The following MIPOL1 variants were observed in gnomAD, a reference collection of about 807,000 sequenced individuals.
MIPOL1 encodes the protein mirror-image polydactyly 1.
MIPOL1 carries 57 observed loss-of-function variants against 60.9 expected under a neutral mutation model. The observed-to-expected ratio is 0.94, with a 90% CI of 0.76 to 1.17. The LOEUF (loss-of-function observed/expected upper bound fraction) is 1.17, where lower values mean the gene tolerates loss of function less well. Ranked by LOEUF, MIPOL1 falls within the 50% of genes most tolerant of loss-of-function variation. MIPOL1 has a pLI of 0.00. For missense variants in MIPOL1, 551 were observed against 511.6 expected (o/e 1.08, Z -0.74); for synonymous variants, 179 against 168.8 (o/e 1.06, Z -0.47).
intron 11 of MIPOL1, among the ~76,000 whole-genome samples, chr14:37,471,385 G>A (rs963988212): frequency 2.0e-5 from 3 of 152,104 alleles, no homozygotes; most frequent in African/African-American, 7.2e-5. Flanking sequence ...CCTGGACTTT[G>A]TTATATTTCC....
intron 11 of MIPOL1, among the ~76,000 whole-genome samples, chr14:37,461,562 C>A (rs1226008475): frequency 6.6e-6 from 1 of 152,136 alleles, no homozygotes; most frequent in Non-Finnish European, 1.5e-5. Flanking sequence ...CAAAACCAAT[C>A]ATGCCTTCAG....
At chr14:37,342,534 A>T (rs1271390047) in intron 9 of MIPOL1, among the ~76,000 whole-genome samples, 1 of 151,602 alleles carries the variant, frequency 6.6e-6, no homozygotes, top group African/African-American at 2.4e-5. Context: ...AGTAGCTGGG[A>T]TTACAGGGAT....
intron 11 of MIPOL1, among the ~76,000 whole-genome samples, chr14:37,495,625 T>C: frequency 2.2e-5 from 3 of 135,734 alleles, no homozygotes; most frequent in East Asian, 2.3e-4. Flanking sequence ...GCATGATTTA[T>C]AGTCCTTTGG....
intron 3 of MIPOL1, among the ~76,000 whole-genome samples, chr14:37,255,229 G>A (rs1055900753): frequency 5.3e-5 from 8 of 151,600 alleles, no homozygotes; most frequent in Non-Finnish European, 7.4e-5. Flanking sequence ...TCAGATGACT[G>A]TGTGGCCTCC....
chr14:37,385,639 C>T (rs2093045312), intron 10 of MIPOL1: 1 of 151,762 alleles, frequency 6.6e-6, no homozygotes, highest in Non-Finnish European at 1.5e-5. Context: ...ACATTTTATC[C>T]CTATACATTC....
At chr14:37,294,804 T>G (rs1268023099) in intron 7 of MIPOL1, among the ~76,000 whole-genome samples, 6 of 149,916 alleles carry the variant, frequency 4.0e-5, no homozygotes, top group South Asian at 2.2e-4. Flanking sequence ...TGGGACTATG[T>G]GAAAAGACCA....
At chr14:37,364,473 T>C (rs2092400971) in intron 9 of MIPOL1, among the ~76,000 whole-genome samples, 1 of 152,236 alleles carries the variant, frequency 6.6e-6, no homozygotes, top group Admixed American at 6.5e-5. Context: ...GCACCATTTA[T>C]TGAAGAGACT....
intron 11 of MIPOL1, among the ~76,000 whole-genome samples, chr14:37,492,354 TA>T (rs745762780): frequency 3.9e-5 from 6 of 152,232 alleles, no homozygotes; most frequent in Non-Finnish European, 7.3e-5. Context: ...ATGTTATCAG[TA>T]AGTGAACAAA....
chr14:37,287,820 GGTTTC>G, intron 7 of MIPOL1, among the ~76,000 whole-genome samples: 2 of 151,942 alleles, frequency 1.3e-5, no homozygotes, highest in Middle Eastern at 6.8e-3. Flanking sequence ...ATAGAGCCAG[GGTTTC>G]ACCATGTTGC....
intron 12 of MIPOL1, among the ~76,000 whole-genome samples, chr14:37,541,047 A>G (rs931565486): frequency 2.0e-5 from 3 of 152,120 alleles, no homozygotes; most frequent in African/African-American, 7.2e-5. Context: ...GACAAACTTC[A>G]ATATCTATGT....
intron 10 of MIPOL1, among the ~76,000 whole-genome samples, chr14:37,375,318 C>G (rs985113063): frequency 6.6e-6 from 1 of 152,082 alleles, no homozygotes; most frequent in Non-Finnish European, 1.5e-5. Flanking sequence ...AAGTGGTTCC[C>G]CCACCTCAGC....
intron 10 of MIPOL1, among the ~76,000 whole-genome samples, chr14:37,387,844 A>G (rs1287114319): frequency 3.3e-5 from 5 of 152,006 alleles, no homozygotes; most frequent in Admixed American, 6.6e-5. Flanking sequence ...TAAAACTAAT[A>G]TTTTCCTATG....
At chr14:37,465,698 T>C (rs1054378233) in intron 11 of MIPOL1, among the ~76,000 whole-genome samples, 2 of 152,186 alleles carry the variant, frequency 1.3e-5, no homozygotes, top group African/African-American at 4.8e-5. Flanking sequence ...TTTCTACAAT[T>C]AGGCTATTAA....
Position 37,361,952 on chromosome 14 carries a change from T to C in MIPOL1, c.829-7565T>C, listed in dbSNP as rs190718506. Among the ~76,000 whole-genome samples, 173 of 152,266 alleles carry C rather than the reference T, an allele frequency of 1.1e-3. 1 individual carries two copies. Among genetic ancestry groups the C allele is most frequent in the African/African-American group, 4.1e-3 (171 of 41,550 alleles). ...GATTGCAATGCCTGCTTTTTTTGCT[T>C]TCCATTTGCTTGGTAGATCTTCCTC... On this transcript the variant is annotated intron_variant, in intron 9 of 12. Transcript: ENST00000684589.
chr14:37,547,023 C>A lies in MIPOL1; in HGVS notation c.*52C>A. On this transcript the variant is annotated 3_prime_UTR_variant, in exon 13 of 13. Transcript: ENST00000684589. ...GCGATCACATCTGGTGACCAGGCTG[C>A]TTCATTCAACACTGTGTAAACACCA... 1 of 1,486,460 alleles carries A rather than the reference C, an allele frequency of 6.7e-7. No homozygotes were observed. The highest frequency in any genetic ancestry group is 9.4e-7 in the Non-Finnish European group (1 of 1,065,658). The allele number at this position is 1,486,460 out of a possible 1,614,324, so 92.1% of individuals were successfully genotyped here. A position where few individuals can be genotyped will look rare whatever the true frequency, so the allele number is the denominator to read the frequency against.
intron 7 of MIPOL1, among the ~76,000 whole-genome samples, chr14:37,306,476 G>C (rs2086793907): frequency 6.6e-6 from 1 of 151,816 alleles, no homozygotes; most frequent in African/African-American, 2.4e-5. Context: ...AGGTTAACAA[G>C]GTAATTGTGA....
chr14:37,275,792 A>C (rs531917423), intron 6 of MIPOL1, among the ~76,000 whole-genome samples: 1 of 151,220 alleles, frequency 6.6e-6, no homozygotes, highest in South Asian at 2.1e-4. Flanking sequence ...CCTCTGCTTT[A>C]TATGTTAGTT....
At chr14:37,317,140 G>C (rs573684910) in intron 9 of MIPOL1, among the ~76,000 whole-genome samples, 1 of 152,298 alleles carries the variant, frequency 6.6e-6, no homozygotes, top group African/African-American at 2.4e-5. Context: ...AAAGCATTTG[G>C]ATAGATACAG....
At chr14:37,213,549 AC>A (rs1474570216) in intron 1 of MIPOL1, among the ~76,000 whole-genome samples, 1 of 152,178 alleles carries the variant, frequency 6.6e-6, no homozygotes, top group Non-Finnish European at 1.5e-5. Context: ...GAATAAAAAA[AC>A]AATGAAGCAT....
Sources: allele counts gnomAD v4.1 joint callset (sites outside exome capture counted in the v4.1 genomes callset), GRCh38; gene constraint gnomAD v4.1.1; transcripts MANE v1.5; gene names NCBI Gene and HGNC (gene_info 2026-07-23, HGNC 2026-07-21).